The following CAMLG variants were observed in gnomAD, a reference collection of about 807,000 sequenced individuals.
CAMLG encodes the protein guided entry of tail-anchored proteins factor CAMLG.
CAMLG carries 23 observed loss-of-function variants against 28.9 expected under a neutral mutation model. The observed-to-expected ratio is 0.80, with a 90% CI of 0.57 to 1.13. The LOEUF (loss-of-function observed/expected upper bound fraction) is 1.13. CAMLG is among the 50% of genes most tolerant of loss of function. CAMLG has a pLI of 0.00. For synonymous variants in CAMLG, 141 were observed against 146.5 expected, an observed-to-expected ratio of 0.96 and a Z score of 0.27; for missense variants, 367 against 371.9, an observed-to-expected ratio of 0.99 and a Z score of 0.11.
At chr5:134,746,137 C>CAAAAAAAAAAAAAAAAAAAAA (rs1156938843) in intron 3 of CAMLG, among the ~76,000 whole-genome samples, 1 of 77,136 alleles carries the variant, frequency 1.3e-5, no homozygotes, top group African/African-American at 5.6e-5. Context: ...AACTCCATCT[C>CAAAAAAAAAAAAAAAAAAAAA]AAAAAAAAAA....
At position 134,741,080 on chromosome 5, in the gene CAMLG, A is replaced by C; in HGVS notation, c.190A>C (p.Lys64Gln). 1.2e-6 allele frequency: 2 copies of C among 1,610,950 alleles called. No individual in the cohort carries two copies. The highest frequency in any genetic ancestry group is 1.7e-4 in the Middle Eastern group (1 of 6,058). The change falls in exon 2 of 4, where the codon AAA becomes CAA. Residue 64 changes from lysine to glutamine, a missense_variant. Coordinates refer to ENST00000297156, the MANE Select transcript of CAMLG (RefSeq NM_001745.4). ...GSGAEEESQTKSKQQDSDKLN... is the reference protein window; with the variant it reads ...GSGAEEESQTQSKQQDSDKLN... Reference sequence around the variant, plus strand: ...TTTCTCAGAAGAAGAAAGTCAAACAAAATCAAAGCAGCAGGACAGTGATAA... The same window carrying C: ...TTTCTCAGAAGAAGAAAGTCAAACACAATCAAAGCAGCAGGACAGTGATAA...
intron 2 of CAMLG, 51 bp from the exon 3 acceptor site, chr5:134,743,936 G>T: frequency 1.2e-6 from 1 of 801,918 alleles, no homozygotes; most frequent in East Asian, 2.6e-5. Context: ...GATTTATTGT[G>T]ATTTGAATGA....
At chr5:134,745,350 G>A (rs1753033112) in intron 3 of CAMLG, among the ~76,000 whole-genome samples, 1 of 151,128 alleles carries the variant, frequency 6.6e-6, no homozygotes, top group Non-Finnish European at 1.5e-5. Flanking sequence ...GCAGGAGAAT[G>A]GCGTGAACCT....
chr5:134,750,859 T>A lies in CAMLG; in HGVS notation c.800T>A (p.Met267Lys). 1 of 1,614,046 alleles carries A rather than the reference T, an allele frequency of 6.2e-7. No homozygotes were observed. The highest frequency in any genetic ancestry group is 1.1e-5 in the South Asian group (1 of 91,076). The change falls in exon 4 of 4, where the codon ATG (methionine) becomes AAG (lysine). Residue 267 changes from methionine (M) to lysine (K), a missense_variant. Physicochemically the swap from Met to Lys is moderately conservative, Grantham distance 95 (BLOSUM62 -1). Coordinates refer to ENST00000297156, the MANE Select transcript of CAMLG (RefSeq NM_001745.4). ...CGATCAATGGATACCTATAGCAAAA[T>A]GGGCGAAGTCTTCACAGATCTCTGT... ...INRSMDTYSK[M>K]GEVFTDLCVY...
intron 3 of CAMLG, among the ~76,000 whole-genome samples, chr5:134,747,505 G>T (rs542437989): frequency 1.3e-3 from 193 of 152,028 alleles, no homozygotes; most frequent in African/African-American, 4.5e-3. Flanking sequence ...CATCACGGCC[G>T]GCTAATTTTT....
chr5:134,744,106 T>C, intron 3 of CAMLG, 54 bp downstream of exon 3: 1 of 799,722 alleles, frequency 1.3e-6, no homozygotes, highest in South Asian at 1.5e-5. Flanking sequence ...GATTTATGAC[T>C]AGCTAATTGA....
chr5:134,741,132 T>C lies in CAMLG; in HGVS notation c.242T>C (p.Val81Ala), dbSNP rs1351348406. 1.2e-6 allele frequency: 2 copies of C among 1,614,088 alleles called. No individual in the cohort carries two copies. The highest frequency in any genetic ancestry group is 8.5e-7 in the Non-Finnish European group (1 of 1,179,976). ...CTGAACTCCCTCAGCGTTCCTTCCG[T>C]TTCAAAGCGAGTAGTGCTGGGTGAT... ...DKLNSLSVPS[V>A]SKRVVLGDSV... Residue 81 changes from valine to alanine, a missense_variant, in exon 2 of 4, where the codon GTT becomes GCT. Physicochemically the swap from Val to Ala is moderately conservative, Grantham distance 64. Transcript: ENST00000297156.
In CAMLG at chr5:134,740,003, G is replaced by A. The variant is rs187595678; in HGVS notation, c.173-1060G>A. ...CAATCCTGCTACCTCAGCCTCCGGA[G>A]TAGCTAGGACCACAGGTGTACACCA... On this transcript the variant is annotated intron_variant, in intron 1 of 3. Coordinates refer to ENST00000297156, the MANE Select transcript of CAMLG (RefSeq NM_001745.4). Among the ~76,000 whole-genome samples, 4 of 152,194 alleles carry A rather than the reference G, an allele frequency of 2.6e-5. No homozygotes were observed. The East Asian group carries it at 5.8e-4, about 22-fold the overall frequency.
Position 134,738,588 on chromosome 5 carries a change from C to T in CAMLG, c.-33C>T. 1.3e-6 allele frequency: 2 copies of T among 1,549,270 alleles called. No homozygotes were observed. Among genetic ancestry groups the T allele is most frequent in the Non-Finnish European group, 1.7e-6 (2 of 1,148,906 alleles). Reference sequence around the variant, plus strand: ...TCGCAGCGGCGGCCAACATCACCGCCACTGCCACCCCTCCCAGACTGTGGA... The same window carrying T: ...TCGCAGCGGCGGCCAACATCACCGCTACTGCCACCCCTCCCAGACTGTGGA... On this transcript the variant is annotated 5_prime_UTR_variant, in exon 1 of 4. Coordinates refer to ENST00000297156, the MANE Select transcript of CAMLG (RefSeq NM_001745.4).
intron 3 of CAMLG, among the ~76,000 whole-genome samples, chr5:134,747,492 C>T (rs575213033): frequency 2.6e-5 from 4 of 152,012 alleles, no homozygotes; most frequent in South Asian, 4.2e-4. Flanking sequence ...TACAGGCGCC[C>T]GCCATCACGG....
rs893579229 is a variant in CAMLG, at chr5:134,749,466, C to T, written c.700-1293C>T. Among the ~76,000 whole-genome samples the T allele has an allele frequency of 2.0e-5, 3 of 152,146 alleles. No homozygotes were observed. The South Asian group carries it at 6.2e-4, about 32-fold the overall frequency. ...CTTTTAATCTCTTAAAAAAATGAGA[C>T]TAGAAAATTAATAAGTAAATGTTCT... On this transcript the variant is annotated intron_variant, in intron 3 of 3. Transcript: ENST00000297156.
chr5:134,738,693 T>C lies in CAMLG; in HGVS notation c.73T>C (p.Ser25Pro), dbSNP rs1452588778. 6.2e-7 allele frequency: 1 copy of C among 1,613,846 alleles called. No homozygotes were observed. The highest frequency in any genetic ancestry group is 8.5e-7 in the Non-Finnish European group (1 of 1,179,954). ...CCCAGCGGGCTCAGGTCTGTCGGCT[T>C]CCCAGCGTCGGGCGGAGCTGCGTCG... ...GVPAGSGLSASQRRAELRRRK... is the reference protein window; with the variant it reads ...GVPAGSGLSAPQRRAELRRRK... The change falls in exon 1 of 4, where the codon TCC becomes CCC. Residue 25 changes from serine (S) to proline (P), a missense_variant. Transcript: ENST00000297156.
At position 134,738,733 on chromosome 5, in the gene CAMLG, T is replaced by G. The variant is rs531402508; in HGVS notation, c.113T>G (p.Met38Arg). Residue 38 changes from methionine (M) to arginine (R), a missense_variant, in exon 1 of 4, where the codon ATG (methionine) becomes AGG (arginine). Physicochemically the swap from Met to Arg is moderately conservative, Grantham distance 91. Transcript: ENST00000297156. ...GAGCTGCGTCGGAGAAAGCTGCTCATGAACTCGGAACAGCGCATCAACCGG... is the reference window on the plus strand; with the variant it reads ...GAGCTGCGTCGGAGAAAGCTGCTCAGGAACTCGGAACAGCGCATCAACCGG... ...RAELRRRKLL[M>R]NSEQRINRIM... 13 of 1,613,940 alleles carry G rather than the reference T, an allele frequency of 8.1e-6. No homozygotes were observed. Among genetic ancestry groups the G allele is most frequent in the Non-Finnish European group, 1.0e-5 (12 of 1,179,984 alleles).
Position 134,741,450 on chromosome 5 carries a change from C to G in CAMLG, c.560C>G (p.Ser187Cys). 1 of 1,614,026 alleles carries G rather than the reference C, an allele frequency of 6.2e-7. No individual in the cohort carries two copies. Among genetic ancestry groups the G allele is most frequent in the African/African-American group, 1.3e-5 (1 of 75,050 alleles). ...GGAAATACAACAGAAGAATTTGACTCTTTTCGAATATTTAGATTGGTGGGA... is the reference window on the plus strand; with the variant it reads ...GGAAATACAACAGAAGAATTTGACTGTTTTCGAATATTTAGATTGGTGGGA... ...EDGNTTEEFD[S>C]FRIFRLVGCA... The change falls in exon 2 of 4, where the codon TCT (serine) becomes TGT (cysteine). Residue 187 changes from serine to cysteine, a missense_variant. Ser to Cys is a moderately radical substitution (Grantham distance 112). Transcript: ENST00000297156.
chr5:134,751,702 CAG>C lies in CAMLG; in HGVS notation c.*755_*756del, dbSNP rs1478560448. ...AAACATTGTTTTTATTTTTTTGAGA[CAG>C]AGTTTCGCTCTTGTTGCCCAGGCTA... On this transcript the variant is annotated 3_prime_UTR_variant, in exon 4 of 4. Coordinates refer to ENST00000297156, the MANE Select transcript of CAMLG (RefSeq NM_001745.4). The C allele has an allele frequency of 6.6e-6, 1 of 152,114 alleles. No individual in the cohort carries two copies. The highest frequency in any genetic ancestry group is 2.4e-5 in the African/African-American group (1 of 41,424). 9.4% of individuals were successfully genotyped at this position (152,114 alleles called of 1,614,324 possible). A position where few individuals can be genotyped will look rare whatever the true frequency, so the allele number is the denominator to read the frequency against.
chr5:134,750,295 T>G (rs962117475), intron 3 of CAMLG, among the ~76,000 whole-genome samples: 11 of 152,110 alleles, frequency 7.2e-5, no homozygotes, highest in African/African-American at 2.4e-4. Flanking sequence ...ATCCTGACAC[T>G]TTGGGAGGCT....
rs748014093 is a variant in CAMLG at position 134,750,980 on chromosome 5, C to CAAA, written c.*41_*43dup. The stretch of plus-strand genomic sequence containing the variant: ...TGTAGAACTGAGAAGGAGAAGCTTA[C>CAAA]AAAAAAAAAAAAATCCTCTTCTATA... On this transcript the variant is annotated 3_prime_UTR_variant, in exon 4 of 4. Coordinates refer to ENST00000297156, the MANE Select transcript of CAMLG (RefSeq NM_001745.4). The CAAA allele has an allele frequency of 1.1e-5, 12 of 1,137,030 alleles. No individual in the cohort carries two copies. The highest frequency in any genetic ancestry group is 1.2e-5 in the Non-Finnish European group (10 of 842,434). 70.4% of individuals were successfully genotyped at this position (1,137,030 alleles called of 1,614,324 possible).
At chr5:134,740,682 TC>T (rs1050779657) in intron 1 of CAMLG, among the ~76,000 whole-genome samples, 1 of 151,992 alleles carries the variant, frequency 6.6e-6, no homozygotes, top group Non-Finnish European at 1.5e-5. Context: ...TGCAACCTCC[TC>T]CCCCCGGGTT....
At chr5:134,744,288 C>T (rs1159753678) in intron 3 of CAMLG, among the ~76,000 whole-genome samples, 2 of 152,084 alleles carry the variant, frequency 1.3e-5, no homozygotes, top group African/African-American at 2.4e-5. Flanking sequence ...CTCTAAGAGG[C>T]TGAGGTGGGT....
Sources: gnomAD v4.1 joint callset for allele counts (sites outside exome capture counted in the v4.1 genomes callset) on GRCh38, gnomAD v4.1.1 for gene constraint, MANE v1.5 for transcripts, NCBI Gene and HGNC (gene_info 2026-07-23, HGNC 2026-07-21) for gene names.